KCNC2: variants seen among roughly 807,000 people sequenced by gnomAD.
KCNC2 encodes voltage-gated potassium channel KCNC2.
Under a neutral mutation model 44.5 loss-of-function variants are expected in KCNC2, and 21 were observed. That is an observed-to-expected ratio of 0.47 (90% CI 0.33 to 0.68). The LOEUF (loss-of-function observed/expected upper bound fraction) is 0.68, where lower values mean the gene tolerates loss of function less well. Ranked by LOEUF, KCNC2 falls within the 30% of genes least tolerant of loss-of-function variation. The pLI, the probability that KCNC2 is intolerant of heterozygous loss-of-function variation, is 0.01. For synonymous variants in KCNC2, 391 were observed against 339.1 expected (o/e 1.15, Z -1.68); for missense variants, 589 against 826.2 (o/e 0.71, Z 3.52).
At chr12:75,177,601 CTG>C (rs1892281974) in intron 2 of KCNC2, among the ~76,000 whole-genome samples, 1 of 152,140 alleles carries the variant, frequency 6.6e-6, no homozygotes, top group African/African-American at 2.4e-5. Flanking sequence ...CTCTAACACT[CTG>C]TGCTTATTTC....
chr12:75,187,382 C>T (rs1300506687), intron 2 of KCNC2, among the ~76,000 whole-genome samples: 1 of 152,198 alleles, frequency 6.6e-6, no homozygotes, highest in Non-Finnish European at 1.5e-5. Flanking sequence ...GAACTTACTT[C>T]AAATGACAAT....
chr12:75,142,769 A>G (rs1889744304), intron 2 of KCNC2, among the ~76,000 whole-genome samples: 2 of 152,146 alleles, frequency 1.3e-5, no homozygotes, highest in African/African-American at 2.4e-5. Context: ...TGGATCCAAA[A>G]AGCAGCATCC....
chr12:75,162,797 T>C (rs1029568333), intron 2 of KCNC2, among the ~76,000 whole-genome samples: 1 of 151,760 alleles, frequency 6.6e-6, no homozygotes, highest in Admixed American at 6.6e-5. Flanking sequence ...TCTCCCTACC[T>C]GCATGTTAGT....
intron 2 of KCNC2, among the ~76,000 whole-genome samples, chr12:75,126,515 A>T (rs959388228): frequency 1.3e-5 from 2 of 152,162 alleles, no homozygotes; most frequent in Non-Finnish European, 2.9e-5. Flanking sequence ...GTGATAAATT[A>T]TAAAAAGAGG....
chr12:75,108,138 T>C (rs915353227), intron 2 of KCNC2, among the ~76,000 whole-genome samples: 1 of 152,170 alleles, frequency 6.6e-6, no homozygotes, highest in African/African-American at 2.4e-5. Flanking sequence ...TGGGTTATTT[T>C]CCACCTTCCA....
At chr12:75,202,507 G>A (rs2031366260) in intron 2 of KCNC2, among the ~76,000 whole-genome samples, 1 of 151,726 alleles carries the variant, frequency 6.6e-6, no homozygotes, top group Non-Finnish European at 1.5e-5. Context: ...CTCTTTTGAG[G>A]AATATGAAGT....
At chr12:75,208,626 C>T (rs1006774678) in intron 1 of KCNC2, among the ~76,000 whole-genome samples, 2 of 149,288 alleles carry the variant, frequency 1.3e-5, no homozygotes, top group Admixed American at 1.3e-4. Context: ...CTAGGTCAAC[C>T]CCGGACCCCT....
intron 2 of KCNC2, among the ~76,000 whole-genome samples, chr12:75,062,351 T>A (rs1882430412): frequency 6.6e-6 from 1 of 152,108 alleles, no homozygotes; most frequent in Non-Finnish European, 1.5e-5. Flanking sequence ...TGCTAAACTC[T>A]GGTCATCAAT....
At chr12:75,112,889 A>T (rs1887362195) in intron 2 of KCNC2, among the ~76,000 whole-genome samples, 2 of 152,136 alleles carry the variant, frequency 1.3e-5, no homozygotes, top group African/African-American at 4.8e-5. Context: ...AGGAGGTGCC[A>T]CTTTACAATT....
intron 2 of KCNC2, among the ~76,000 whole-genome samples, chr12:75,074,665 C>T (rs543594683): frequency 6.6e-6 from 1 of 152,100 alleles, no homozygotes; most frequent in Non-Finnish European, 1.5e-5. Flanking sequence ...ATAAACCTGG[C>T]CTAAAAACTG....
intron 2 of KCNC2, among the ~76,000 whole-genome samples, chr12:75,175,099 G>A (rs1593028977): frequency 6.6e-6 from 1 of 151,878 alleles, no homozygotes; most frequent in African/African-American, 2.4e-5. Context: ...GCAGAAGACA[G>A]CCTGTGTACC....
At chr12:75,055,982 C>T (rs1881705429) in intron 2 of KCNC2, among the ~76,000 whole-genome samples, 1 of 151,938 alleles carries the variant, frequency 6.6e-6, no homozygotes, top group Non-Finnish European at 1.5e-5. Context: ...TTTTTCAAAA[C>T]TGTGCCTAGA....
At position 75,106,357 on chromosome 12, in the gene KCNC2, G is replaced by A. The variant is rs186807583; in HGVS notation, c.688-55040C>T. ...AGTTTTTTCTGTACAAGAGAGCAGA[G>A]AAATAAGGTGGTGGCTAGAATTAAC... On this transcript the variant is annotated intron_variant, in intron 2 of 4. Coordinates refer to ENST00000549446, the MANE Select transcript of KCNC2 (RefSeq NM_139137.4). Among the ~76,000 whole-genome samples, 18 of 152,270 alleles carry A rather than the reference G, an allele frequency of 1.2e-4. 1 individual carries two copies. Among genetic ancestry groups the A allele is most frequent in the African/African-American group, 3.4e-4 (14 of 41,566 alleles).
Position 75,152,841 on chromosome 12 carries a change from T to G in KCNC2, c.687+54456A>C, listed in dbSNP as rs547380020. On this transcript the variant is annotated intron_variant, in intron 2 of 4. Transcript: ENST00000549446. ...GACTCAATAATTTGGAAGCCTCAAG[T>G]AAGGTATGCATATGATGTGTGCAAA... Among the ~76,000 whole-genome samples, 3 of 152,076 alleles carry G rather than the reference T, an allele frequency of 2.0e-5. No homozygotes were observed. In the South Asian group the frequency reaches 6.2e-4, roughly 32 times the overall value.
intron 2 of KCNC2, among the ~76,000 whole-genome samples, chr12:75,063,520 A>C (rs1031281125): frequency 6.6e-6 from 1 of 152,080 alleles, no homozygotes; most frequent in African/African-American, 2.4e-5. Flanking sequence ...CATATAAAAA[A>C]GGTTTTCAAT....
At chr12:75,179,912 C>T (rs1892464291) in intron 2 of KCNC2, among the ~76,000 whole-genome samples, 1 of 151,646 alleles carries the variant, frequency 6.6e-6, no homozygotes, top group African/African-American at 2.4e-5. Context: ...TCTAAAGCTA[C>T]AAATTGCACT....
intron 2 of KCNC2, among the ~76,000 whole-genome samples, chr12:75,138,254 C>A (rs1281790303): frequency 6.6e-6 from 1 of 152,190 alleles, no homozygotes; most frequent in Non-Finnish European, 1.5e-5. Flanking sequence ...ATTTGCTCAT[C>A]TTGTACCCAC....
At chr12:75,086,653 C>T (rs56787772) in intron 2 of KCNC2, among the ~76,000 whole-genome samples, 2,342 of 71,094 alleles carry the variant, frequency 0.033, 82 homozygotes, top group African/African-American at 0.13. Context: ...AAAGCAAGTT[C>T]ATTTGGCAAA....
intron 4 of KCNC2, among the ~76,000 whole-genome samples, 185 bp downstream of exon 4, chr12:75,047,968 C>T (rs777935319): frequency 2.0e-5 from 3 of 151,944 alleles, no homozygotes; most frequent in African/African-American, 2.4e-5. Context: ...TCAGATATGA[C>T]GATCACATAG....
Sources: allele counts gnomAD v4.1 joint callset (sites outside exome capture counted in the v4.1 genomes callset), GRCh38; gene constraint gnomAD v4.1.1; transcripts MANE v1.5; gene names NCBI Gene and HGNC (gene_info 2026-07-23, HGNC 2026-07-21).